The following ZFR2 variants were observed in gnomAD, a reference collection of about 807,000 sequenced individuals.
The protein encoded by ZFR2 is zinc finger RNA-binding protein 2.
ZFR2 carries 104 observed loss-of-function variants against 105.7 expected under a neutral mutation model. The observed-to-expected ratio is 0.98, with a 90% CI of 0.84 to 1.16. The LOEUF (loss-of-function observed/expected upper bound fraction) is 1.16. ZFR2 is among the 50% of genes most tolerant of loss of function. ZFR2 has a pLI of 0.00. For missense variants in ZFR2, 1,425 were observed against 1,355.5 expected (o/e 1.05, Z -0.80); for synonymous variants, 634 against 597.7 (o/e 1.06, Z -0.89).
chr19:3,807,198 GC>G lies in ZFR2; in HGVS notation c.2616del (p.Glu872AspfsTer5). 6.4e-7 allele frequency: 1 copy of G among 1,557,780 alleles called. No individual in the cohort carries two copies. Among genetic ancestry groups the G allele is most frequent in the Middle Eastern group, 1.7e-4 (1 of 6,006 alleles). On this transcript the variant is annotated frameshift_variant, in exon 18 of 19. Coordinates refer to ENST00000262961, the MANE Select transcript of ZFR2 (RefSeq NM_015174.2). LOFTEE classifies it low-confidence loss of function (END_TRUNC). ...TGGGCGCTGGCGGTCACGTCTTCCC[GC>G]TCTTGGAGGGTCATGGGCTCGAGGG... is the stretch of plus-strand genomic sequence containing the variant. ...TDALEPMTLQ[E>X]REDVTASAQH... is the part of the protein sequence containing the mutation.
chr19:3,813,799 G>A lies in ZFR2; in HGVS notation c.2242+21C>T, dbSNP rs778374069. The stretch of plus-strand genomic sequence containing the variant: ...GGAAGCGTGAGGGGGACAGTGGTTG[G>A]AAGGAAGGGCTGGGCCGCACCTGGG... On this transcript the variant is annotated intron_variant, in intron 14 of 18. Coordinates refer to ENST00000262961, the MANE Select transcript of ZFR2 (RefSeq NM_015174.2). This position sits in a 1 kb window ranked among gnomAD's most constrained non-coding sequence, Gnocchi z 4.4. 7.4e-6 allele frequency: 12 copies of A among 1,612,766 alleles called. No homozygotes were observed. The highest frequency in any genetic ancestry group is 9.3e-6 in the Non-Finnish European group (11 of 1,179,344).
intron 12 of ZFR2, among the ~76,000 whole-genome samples, chr19:3,818,549 G>C (rs10412873): frequency 1.3e-5 from 2 of 152,136 alleles, no homozygotes; most frequent in South Asian, 4.1e-4. Context: ...GGTAACTCCC[G>C]CTCAGATGAG....
intron 5 of ZFR2, among the ~76,000 whole-genome samples, chr19:3,829,869 T>C (rs1416815944): frequency 6.6e-6 from 1 of 152,228 alleles, no homozygotes; most frequent in Non-Finnish European, 1.5e-5. Context: ...CCACGTGGGC[T>C]TCAACACATC....
intron 1 of ZFR2, among the ~76,000 whole-genome samples, chr19:3,855,856 G>A (rs537295179): frequency 3.3e-5 from 5 of 152,148 alleles, no homozygotes; most frequent in Non-Finnish European, 7.4e-5. Context: ...AGGGGAGATG[G>A]GGTCAGAGAA....
chr19:3,821,428 G>A lies in ZFR2; in HGVS notation c.1543C>T (p.Arg515Trp), dbSNP rs761443244. Residue 515 changes from arginine to tryptophan, a missense_variant, in exon 10 of 19, where the codon CGG (arginine) becomes TGG (tryptophan). Physicochemically the swap from Arg to Trp is moderately radical, Grantham distance 101. Transcript: ENST00000262961. ...PIATEPSSRARKVLEERMRKQ... is the reference protein window; with the variant it reads ...PIATEPSSRAWKVLEERMRKQ... ...CTCATGCGCTCCTCCAGGACCTTCC[G>A]AGCCCGGCTGCTGGGCTCCGTGGCA... 7.5e-6 allele frequency: 12 copies of A among 1,610,412 alleles called. No homozygotes were observed. Among genetic ancestry groups the A allele is most frequent in the Admixed American group, 6.7e-5 (4 of 59,904 alleles).
Position 3,823,423 on chromosome 19 carries a change from C to A in ZFR2, c.1214-20G>T. ...GAGGCCCTGAGGGGAAAAACCATGTCACTTATACCCTGTTCCAGGAGAAAG... is the reference window on the plus strand; with the variant it reads ...GAGGCCCTGAGGGGAAAAACCATGTAACTTATACCCTGTTCCAGGAGAAAG... On this transcript the variant is annotated intron_variant, in intron 7 of 18. Coordinates refer to ENST00000262961, the MANE Select transcript of ZFR2 (RefSeq NM_015174.2). This position sits in a 1 kb window ranked among gnomAD's most constrained non-coding sequence, Gnocchi z 5.4. 1 of 1,571,018 alleles carries A rather than the reference C, an allele frequency of 6.4e-7. No individual in the cohort carries two copies. The highest frequency in any genetic ancestry group is 1.2e-5 in the South Asian group (1 of 85,092).
intron 5 of ZFR2, among the ~76,000 whole-genome samples, chr19:3,830,877 C>T (rs2038003876): frequency 6.6e-6 from 1 of 152,062 alleles, no homozygotes; most frequent in Non-Finnish European, 1.5e-5. Flanking sequence ...ACAAGCACTG[C>T]CAAGCACAAG....
chr19:3,826,308 G>C (rs2037948941), intron 6 of ZFR2, among the ~76,000 whole-genome samples: 1 of 152,034 alleles, frequency 6.6e-6, no homozygotes, highest in Non-Finnish European at 1.5e-5. Flanking sequence ...GAGAAGCCAG[G>C]TCCTCAGCCA....
chr19:3,834,456 G>A lies in ZFR2; in HGVS notation c.264+317C>T, dbSNP rs983811120. Among the ~76,000 whole-genome samples, 4 of 152,134 alleles carry A rather than the reference G, an allele frequency of 2.6e-5. No individual in the cohort carries two copies. The highest frequency in any genetic ancestry group is 2.0e-4 in the Admixed American group (3 of 15,280). On this transcript the variant is annotated intron_variant, in intron 2 of 18. Coordinates refer to ENST00000262961, the MANE Select transcript of ZFR2 (RefSeq NM_015174.2). This position sits in a 1 kb window ranked among gnomAD's most constrained non-coding sequence, Gnocchi z 5.3. ...TCTGCCCTGACCAGGGAGGGGTCCT[G>A]TAACCCAGGCGACCCTCCTCCTCCT...
rs183139749 is a variant in ZFR2, at chr19:3,832,566, C to T, written c.380-688G>A. 2.6e-3 allele frequency among the ~76,000 whole-genome samples: 397 copies of T among 151,966 alleles called. 2 individuals are homozygous for T. Among genetic ancestry groups the T allele is most frequent in the African/African-American group, 4.5e-3 (186 of 41,454 alleles). ...CGATCGCTTGACCTTGTGATCCACCCGCCTCTGCCTCGCAAAGTGCTGGGA... is the reference window on the plus strand; with the variant it reads ...CGATCGCTTGACCTTGTGATCCACCTGCCTCTGCCTCGCAAAGTGCTGGGA... On this transcript the variant is annotated intron_variant, in intron 3 of 18. Transcript: ENST00000262961.
chr19:3,843,338 G>A (rs541408429), intron 1 of ZFR2, among the ~76,000 whole-genome samples: 1 of 152,104 alleles, frequency 6.6e-6, no homozygotes, highest in Admixed American at 6.6e-5. Context: ...GGGCCTGGTG[G>A]GGCGTGCCTG....
At chr19:3,863,159 G>A (rs1006162808) in intron 1 of ZFR2, among the ~76,000 whole-genome samples, 9 of 152,316 alleles carry the variant, frequency 5.9e-5, no homozygotes, top group South Asian at 2.1e-4. Context: ...CGAGCGTGGC[G>A]TCTGGGCTGG....
intron 1 of ZFR2, chr19:3,852,156 C>A (rs4807519): frequency 0.66 from 257,629 of 389,316 alleles, 85,616 homozygotes; most frequent in Admixed American, 0.77. Context: ...TCTTCTGGCC[C>A]AGGCGGGGCT....
chr19:3,821,149 T>C (rs1394339675), intron 10 of ZFR2, among the ~76,000 whole-genome samples, 191 bp downstream of exon 10: 2 of 152,110 alleles, frequency 1.3e-5, no homozygotes, highest in African/African-American at 4.8e-5. Flanking sequence ...CACTGTGCCC[T>C]TGCCCGTCTG....
rs1481460950 is a variant in ZFR2, at chr19:3,827,486, T to A, written c.1020A>T (p.Gly340=). 6.5e-7 allele frequency: 1 copy of A among 1,549,794 alleles called. No individual in the cohort carries two copies. The highest frequency in any genetic ancestry group is 8.7e-7 in the Non-Finnish European group (1 of 1,147,436). Residue 340 remains glycine (G), a synonymous_variant, in exon 6 of 19, where the codon GGA becomes GGT. Transcript: ENST00000262961. ...GGGGCCGTACCTTCTGGTGCTTGGA[T>A]CCCCGGATGTGGGCCGCGTAGGCGT... The part of the protein sequence containing the change: ...GADAYAAHIR[G]SKHQKVFKLH...
At position 3,819,217 on chromosome 19, in the gene ZFR2, A is replaced by AGGCCGGC. The variant is rs778528413; in HGVS notation, c.1758_1759insGCCGGCC (p.Ser587AlafsTer57). On this transcript the variant is annotated frameshift_variant, in exon 12 of 19. Coordinates refer to ENST00000262961, the MANE Select transcript of ZFR2 (RefSeq NM_015174.2). LOFTEE classifies it high-confidence loss of function. ...CACATGACGTGCCGGTCGTCGCTGGACGCCGGCCGCCGCCCGGGCTGTGGG... is the reference window on the plus strand; with the variant it reads ...CACATGACGTGCCGGTCGTCGCTGGAGGCCGGCCGCCGGCCGCCGCCCGGGCTGTGGG... 7.2e-5 allele frequency: 112 copies of AGGCCGGC among 1,552,248 alleles called. No homozygotes were observed. Among genetic ancestry groups the AGGCCGGC allele is most frequent in the Non-Finnish European group, 8.6e-5 (99 of 1,157,194 alleles).
chr19:3,833,150 G>C (rs1813465909), intron 3 of ZFR2, among the ~76,000 whole-genome samples: 1 of 151,632 alleles, frequency 6.6e-6, no homozygotes, highest in Non-Finnish European at 1.5e-5. Context: ...TTGGGAGGCT[G>C]AGGCAGGAGG....
intron 1 of ZFR2, among the ~76,000 whole-genome samples, chr19:3,844,883 A>T (rs1122499): frequency 9.2e-5 from 14 of 151,904 alleles, no homozygotes; most frequent in Admixed American, 8.5e-4. Flanking sequence ...CGGGGGACTC[A>T]GTCTCTGCAG....
rs755729049 is a variant in ZFR2, at chr19:3,807,177, C to T, written c.2638G>A (p.Ala880Thr). 6 of 1,552,934 alleles carry T rather than the reference C, an allele frequency of 3.9e-6. No individual in the cohort carries two copies. Among genetic ancestry groups the T allele is most frequent in the Admixed American group, 3.9e-5 (2 of 51,174 alleles). Residue 880 changes from alanine (A) to threonine (T), a missense_variant, in exon 18 of 19, where the codon GCC becomes ACC. By Grantham distance (58) the Ala-to-Thr change is moderately conservative. Transcript: ENST00000262961. ...CCGTGACTTGACCCTCCTACCTGGG[C>T]GCTGGCGGTCACGTCTTCCCGCTCT... ...LQEREDVTAS[A>T]QHALRMLAFR... is the part of the protein sequence containing the mutation.
Sources: allele counts gnomAD v4.1 joint callset (sites outside exome capture counted in the v4.1 genomes callset), GRCh38; gene constraint gnomAD v4.1.1; non-coding constraint Gnocchi (gnomAD v3.1); transcripts MANE v1.5; gene names NCBI Gene and HGNC (gene_info 2026-07-23, HGNC 2026-07-21).